The following EYS variants were observed in gnomAD, a reference collection of about 807,000 sequenced individuals.
The protein encoded by EYS is EGF-like photoreceptor maintenance factor.
EYS carries 250 observed loss-of-function variants against 282.1 expected under a neutral mutation model. The observed-to-expected ratio is 0.89, with a 90% CI of 0.80 to 0.98. The LOEUF is 0.98. EYS is among the 50% of genes least tolerant of loss of function. EYS has a pLI of 0.00. For synonymous variants in EYS, 1,355 were observed against 1,282.9 expected (o/e 1.06, Z -1.20); for missense variants, 4,016 against 3,709.0 (o/e 1.08, Z -2.15).
At chr6:65,126,690 A>T (rs1775729518) in intron 12 of EYS, among the ~76,000 whole-genome samples, 1 of 152,192 alleles carries the variant, frequency 6.6e-6, no homozygotes, top group African/African-American at 2.4e-5. Context: ...ACTAGTTAGT[A>T]ATGAATGTGT....
chr6:64,106,830 A>G (rs190237690), intron 31 of EYS, among the ~76,000 whole-genome samples: 1 of 151,528 alleles, frequency 6.6e-6, no homozygotes, highest in Non-Finnish European at 1.5e-5. Flanking sequence ...TTTTGTAGTC[A>G]TCTCACAGAT....
intron 31 of EYS, among the ~76,000 whole-genome samples, chr6:64,198,133 C>T (rs917592675): frequency 1.3e-5 from 2 of 151,460 alleles, no homozygotes; most frequent in African/African-American, 2.4e-5. Context: ...GCCGGGACTA[C>T]AGGCGCCCGC....
intron 22 of EYS, among the ~76,000 whole-genome samples, chr6:64,687,003 A>C (rs1030837248): frequency 6.7e-6 from 1 of 149,578 alleles, no homozygotes; most frequent in African/African-American, 2.4e-5. Context: ...AAAATAAACT[A>C]ATTCCTAGAA....
intron 22 of EYS, among the ~76,000 whole-genome samples, chr6:64,773,818 G>A (rs1773597789): frequency 6.6e-6 from 1 of 151,750 alleles, no homozygotes; most frequent in African/African-American, 2.4e-5. Context: ...CTTTGTAATG[G>A]AGTTGTTTGT....
chr6:64,831,632 C>A (rs1193085594), intron 19 of EYS, among the ~76,000 whole-genome samples: 1 of 151,862 alleles, frequency 6.6e-6, no homozygotes, highest in Admixed American at 6.6e-5. Context: ...TTTCCTACCT[C>A]TTTTATGAAA....
chr6:64,206,870 A>T (rs986906879), intron 31 of EYS, among the ~76,000 whole-genome samples: 2 of 152,132 alleles, frequency 1.3e-5, no homozygotes, highest in African/African-American at 4.8e-5. Context: ...GGTTTGTTAC[A>T]TACATATATT....
intron 1 of EYS, among the ~76,000 whole-genome samples, chr6:65,673,178 AT>A (rs1768456310): frequency 6.6e-6 from 1 of 152,116 alleles, no homozygotes; most frequent in Non-Finnish European, 1.5e-5. Context: ...AATAAGAAAA[AT>A]AAAACAAAAT....
chr6:64,734,967 T>G (rs73442675), intron 22 of EYS, among the ~76,000 whole-genome samples: 1,775 of 152,298 alleles, frequency 0.012, 40 homozygotes, highest in African/African-American at 0.04. Flanking sequence ...CACAGAGGTA[T>G]GCTTATATAA....
intron 12 of EYS, among the ~76,000 whole-genome samples, chr6:65,166,295 G>T (rs1370849445): frequency 2.0e-5 from 3 of 151,010 alleles, no homozygotes; most frequent in Non-Finnish European, 4.5e-5. Context: ...TGAAATAGAT[G>T]ATCAAATTTG....
chr6:65,380,803 C>T (rs1467866092), intron 8 of EYS, among the ~76,000 whole-genome samples: 2 of 151,952 alleles, frequency 1.3e-5, no homozygotes, highest in African/African-American at 4.8e-5. Context: ...AAAAAATGGG[C>T]AAAGTTTATC....
intron 31 of EYS, among the ~76,000 whole-genome samples, chr6:64,208,449 C>T (rs1288639347): frequency 6.6e-6 from 1 of 152,114 alleles, no homozygotes; most frequent in East Asian, 1.9e-4. Flanking sequence ...AGTATCTCTT[C>T]TCTTATTAAA....
chr6:65,525,337 T>C (rs1186070085), intron 2 of EYS, among the ~76,000 whole-genome samples: 2 of 152,088 alleles, frequency 1.3e-5, no homozygotes, highest in African/African-American at 2.4e-5. Context: ...AAAACAAATA[T>C]TTTCACATTA....
chr6:64,744,546 T>G (rs951256546), intron 22 of EYS, among the ~76,000 whole-genome samples: 1 of 152,152 alleles, frequency 6.6e-6, no homozygotes, highest in Non-Finnish European at 1.5e-5. Context: ...TTTACGGAAG[T>G]AGACTAAAAG....
chr6:64,918,676 C>T (rs1415451940), intron 15 of EYS, among the ~76,000 whole-genome samples: 1 of 151,912 alleles, frequency 6.6e-6, no homozygotes, highest in Non-Finnish European at 1.5e-5. Flanking sequence ...GGTTAGTAAG[C>T]AGATGAGGCA....
chr6:64,643,122 C>A (rs9363046), intron 22 of EYS, among the ~76,000 whole-genome samples: 28,145 of 146,622 alleles, frequency 0.19, 2,835 homozygotes, highest in South Asian at 0.21. Context: ...TCCCCCCCCC[C>A]AAAAAAAAAC....
chr6:65,441,072 C>G (rs1460673010), intron 5 of EYS, among the ~76,000 whole-genome samples: 1 of 150,100 alleles, frequency 6.7e-6, no homozygotes, highest in Non-Finnish European at 1.5e-5. Flanking sequence ...ATTAATTAAA[C>G]TCATTAATGA....
At position 65,495,188 on chromosome 6, in the gene EYS, G is replaced by T; in HGVS notation, c.223C>A (p.Pro75Thr). Residue 75 changes from proline (P) to threonine (T), a missense_variant, in exon 4 of 43, where the codon CCC (proline) becomes ACC (threonine). Coordinates refer to ENST00000503581, the MANE Select transcript of EYS (RefSeq NM_001142800.2). ...TGAATTTGCAAAGGGCAAATCTGGG[G>T]AACAGCTTGATTGCCTGAAGTATCT... ...KIDTSGNQAV[P>T]QICPLQIQLG... 5 of 1,614,082 alleles carry T rather than the reference G, an allele frequency of 3.1e-6. No individual in the cohort carries two copies. Among genetic ancestry groups the T allele is most frequent in the Non-Finnish European group, 4.2e-6 (5 of 1,179,974 alleles).
intron 19 of EYS, among the ~76,000 whole-genome samples, chr6:64,857,867 C>T (rs1049753156): frequency 6.6e-6 from 1 of 152,100 alleles, no homozygotes; most frequent in African/African-American, 2.4e-5. Context: ...TGATGTTGAG[C>T]ATTTTTTCAT....
chr6:65,319,283 G>A (rs1442349262), intron 11 of EYS, among the ~76,000 whole-genome samples: 4 of 150,684 alleles, frequency 2.7e-5, no homozygotes. Context: ...GGGAGGCGGA[G>A]GCAGGAGAAT....
Sources: allele counts gnomAD v4.1 joint callset (sites outside exome capture counted in the v4.1 genomes callset), GRCh38; gene constraint gnomAD v4.1.1; transcripts MANE v1.5; gene names NCBI Gene and HGNC (gene_info 2026-07-23, HGNC 2026-07-21).